The following PPP1R13B variants were observed in gnomAD, a reference collection of about 807,000 sequenced individuals.
PPP1R13B encodes apoptosis-stimulating of p53 protein 1.
Under a neutral mutation model 119.8 loss-of-function variants are expected in PPP1R13B, and 44 were observed. That is an observed-to-expected ratio of 0.37 (90% CI 0.29 to 0.47). The LOEUF is 0.47. Ranked by LOEUF, PPP1R13B falls within the 20% of genes least tolerant of loss-of-function variation. The pLI is 0.99. For missense variants in PPP1R13B, 1,227 were observed against 1,413.5 expected (o/e 0.87, Z 2.12); for synonymous variants, 542 against 561.5 (o/e 0.97, Z 0.49).
At chr14:103,807,564 G>A (rs916943568) in intron 1 of PPP1R13B, among the ~76,000 whole-genome samples, 1 of 151,980 alleles carries the variant, frequency 6.6e-6, no homozygotes, top group Non-Finnish European at 1.5e-5. Flanking sequence ...GCGCGATCTC[G>A]GCTCACTGCA....
intron 4 of PPP1R13B, among the ~76,000 whole-genome samples, chr14:103,767,789 A>G (rs1483435156): frequency 6.6e-6 from 1 of 152,118 alleles, no homozygotes; most frequent in Non-Finnish European, 1.5e-5. Flanking sequence ...TTTCATGTCT[A>G]TTCCTCTGTA....
upstream of PPP1R13B, chr14:103,848,238 G>T: frequency 2.0e-5 from 20 of 985,104 alleles, no homozygotes; most frequent in Non-Finnish European, 2.4e-5. Context: ...CTCCCGCCTA[G>T]AACCCCGCGC....
chr14:103,833,230 C>A (rs906581408), intron 1 of PPP1R13B, among the ~76,000 whole-genome samples: 10 of 152,238 alleles, frequency 6.6e-5, no homozygotes, highest in African/African-American at 2.4e-4. Flanking sequence ...ACTTCCCTCA[C>A]ATCTGGCTTC....
chr14:103,788,402 G>T (rs2152030082), intron 2 of PPP1R13B, among the ~76,000 whole-genome samples: 1 of 152,150 alleles, frequency 6.6e-6, no homozygotes, highest in Non-Finnish European at 1.5e-5. Flanking sequence ...GTAGCTTTAA[G>T]CTATTTTATC....
chr14:103,756,556 G>A (rs1178948872), intron 5 of PPP1R13B, among the ~76,000 whole-genome samples: 1 of 152,000 alleles, frequency 6.6e-6, no homozygotes, highest in Non-Finnish European at 1.5e-5. Context: ...TCTATACTCC[G>A]CACTGTAATA....
chr14:103,780,485 C>CAAAAA (rs34274916), intron 3 of PPP1R13B, among the ~76,000 whole-genome samples: 11 of 36,210 alleles, frequency 3.0e-4, no homozygotes, highest in African/African-American at 1.0e-3. Context: ...AACCCTGTCT[C>CAAAAA]AAAAAAAAAA....
chr14:103,808,200 C>T (rs1339656224), intron 1 of PPP1R13B, among the ~76,000 whole-genome samples: 3 of 151,166 alleles, frequency 2.0e-5, no homozygotes, highest in Non-Finnish European at 4.4e-5. Context: ...GCCAAGATCA[C>T]GCCACTGCAC....
At chr14:103,755,558 T>A (rs2084656858) in intron 5 of PPP1R13B, among the ~76,000 whole-genome samples, 1 of 152,214 alleles carries the variant, frequency 6.6e-6, no homozygotes, top group Admixed American at 6.5e-5. Context: ...TGATCCCATA[T>A]GTATGCATAA....
At chr14:103,816,078 C>T (rs2086272376) in intron 1 of PPP1R13B, among the ~76,000 whole-genome samples, 1 of 151,984 alleles carries the variant, frequency 6.6e-6, no homozygotes, top group Non-Finnish European at 1.5e-5. Context: ...AGCAAGACTC[C>T]ATCTCAAAAC....
intron 1 of PPP1R13B, among the ~76,000 whole-genome samples, chr14:103,812,933 A>T (rs2086195352): frequency 6.6e-6 from 1 of 152,226 alleles, no homozygotes; most frequent in Non-Finnish European, 1.5e-5. Flanking sequence ...GAGGATGCGG[A>T]GCAAAAGGAA....
intron 2 of PPP1R13B, among the ~76,000 whole-genome samples, chr14:103,795,377 A>G (rs1370738919): frequency 6.6e-6 from 1 of 152,188 alleles, no homozygotes; most frequent in East Asian, 1.9e-4. Flanking sequence ...ACAACGAAGG[A>G]GCATGTACAA....
chr14:103,789,721 C>T (rs2085568349), intron 2 of PPP1R13B, among the ~76,000 whole-genome samples: 1 of 151,570 alleles, frequency 6.6e-6, no homozygotes, highest in South Asian at 2.1e-4. Flanking sequence ...ACCATGTCGG[C>T]CAGGCTGGTC....
intron 1 of PPP1R13B, among the ~76,000 whole-genome samples, chr14:103,823,226 C>G (rs191149394): frequency 1.9e-4 from 29 of 151,966 alleles, no homozygotes; most frequent in Non-Finnish European, 2.4e-4. Context: ...TAGGTCCCAG[C>G]TACTTGGGAG....
rs1567073862 is a variant in PPP1R13B at position 103,733,325 on chromosome 14, C to T, written c.*1829G>A. 1.6e-5 allele frequency: 5 copies of T among 311,296 alleles called. No homozygotes were observed. The highest frequency in any genetic ancestry group is 4.6e-5 in the Admixed American group (1 of 21,750). 19.3% of individuals were successfully genotyped at this position (311,296 alleles called of 1,614,324 possible). A position where few individuals can be genotyped will look rare whatever the true frequency, so the allele number is the denominator to read the frequency against. ...ATAATATATACCATTTTTATGAGTT[C>T]GCAGGTCTACTAGAAGGTTCTGGCC... On this transcript the variant is annotated 3_prime_UTR_variant, in exon 17 of 17. Transcript: ENST00000202556.
At chr14:103,773,599 G>A (rs142182055) in intron 4 of PPP1R13B, among the ~76,000 whole-genome samples, 18 of 152,266 alleles carry the variant, frequency 1.2e-4, no homozygotes, top group African/African-American at 1.7e-4. Context: ...AAGAACAGAC[G>A]AGAAATAACT....
intron 4 of PPP1R13B, among the ~76,000 whole-genome samples, chr14:103,759,799 T>C (rs568851318): frequency 2.6e-5 from 4 of 152,330 alleles, no homozygotes; most frequent in East Asian, 1.9e-4. Context: ...CTGATGTTTA[T>C]ATCTATGAAT....
In PPP1R13B at chr14:103,758,766, T is replaced by C. The variant is rs115917530; in HGVS notation, c.355-1015A>G. Among the ~76,000 whole-genome samples, 921 of 152,304 alleles carry C rather than the reference T, an allele frequency of 6.0e-3. 12 individuals are homozygous for C. Among genetic ancestry groups the C allele is most frequent in the African/African-American group, 0.021 (867 of 41,572 alleles). The stretch of plus-strand genomic sequence containing the variant: ...AGCAGGGAGGCCACACAGTTCCTCC[T>C]CAAGCTCCCACGTTCTACTTCTAGG... On this transcript the variant is annotated intron_variant, in intron 4 of 16. Transcript: ENST00000202556.
Position 103,799,617 on chromosome 14 carries a change from G to T in PPP1R13B, c.10-2099C>A, listed in dbSNP as rs78363452. On this transcript the variant is annotated intron_variant, in intron 1 of 16. Transcript: ENST00000202556. ...CGTGAGCCACTGTGCCGGGTTTTTT[G>T]TTTTTTTTTTTTTTAATTTCAAAAA... Among the ~76,000 whole-genome samples, 95 of 141,058 alleles carry T rather than the reference G, an allele frequency of 6.7e-4. 1 individual carries two copies. Among genetic ancestry groups the T allele is most frequent in the East Asian group, 1.1e-3 (5 of 4,708 alleles). 92.5% of individuals were successfully genotyped at this position (141,058 alleles called of 152,430 possible).
At chr14:103,751,550 A>G (rs558211863) in intron 7 of PPP1R13B, among the ~76,000 whole-genome samples, 2 of 152,272 alleles carry the variant, frequency 1.3e-5, no homozygotes, top group East Asian at 3.9e-4. Context: ...GTCCCCCAAA[A>G]TCTCTATGTT....
Sources: allele counts gnomAD v4.1 joint callset (sites outside exome capture counted in the v4.1 genomes callset), GRCh38; gene constraint gnomAD v4.1.1; transcripts MANE v1.5; gene names NCBI Gene and HGNC (gene_info 2026-07-23, HGNC 2026-07-21).